The following PRELID2 variants were observed in gnomAD, a reference collection of about 807,000 sequenced individuals.
PRELID2 encodes PRELI domain containing 2.
Under a neutral mutation model 28.4 loss-of-function variants are expected in PRELID2, and 25 were observed. That is an observed-to-expected ratio of 0.88 (90% CI 0.64 to 1.23). The LOEUF (loss-of-function observed/expected upper bound fraction) is 1.23, where lower values mean the gene tolerates loss of function less well. Among genes scored for constraint, PRELID2 ranks in the 50% most tolerant of loss-of-function variants. PRELID2 has a pLI of 0.00. For synonymous variants in PRELID2, 76 were observed against 71.6 expected, an observed-to-expected ratio of 1.06 and a Z score of -0.31; for missense variants, 201 against 214.4, an observed-to-expected ratio of 0.94 and a Z score of 0.39.
chr5:145,286,725 T>G, the PRELID2 span, among the ~76,000 whole-genome samples: 34 of 73,626 alleles, frequency 4.6e-4, no homozygotes, highest in African/African-American at 9.6e-4. Flanking sequence ...TGTTTGTTTG[T>G]TTTTTTTTTT....
the PRELID2 span, among the ~76,000 whole-genome samples, chr5:145,341,953 T>G: frequency 6.6e-6 from 1 of 152,182 alleles, no homozygotes; most frequent in Non-Finnish European, 1.5e-5. Flanking sequence ...CTACAGCACA[T>G]TGTAGTCAGA....
chr5:145,731,352 G>A (rs1756340637), intron 1 of PRELID2, among the ~76,000 whole-genome samples: 1 of 152,172 alleles, frequency 6.6e-6, no homozygotes. Flanking sequence ...AATGCAGAGT[G>A]ACTAAGATGC....
At chr5:145,574,490 G>A (rs1413832450) in intron 1 of PRELID2, among the ~76,000 whole-genome samples, 1 of 152,204 alleles carries the variant, frequency 6.6e-6, no homozygotes, top group East Asian at 1.9e-4. Flanking sequence ...CCCACTCTGA[G>A]GTGATGGCAC....
At chr5:145,573,486 T>TC (rs1277367229) in intron 1 of PRELID2, among the ~76,000 whole-genome samples, 3 of 151,956 alleles carry the variant, frequency 2.0e-5, no homozygotes, top group Admixed American at 2.0e-4. Context: ...GTCCTAATGC[T>TC]CCCCCTCCCC....
At chr5:145,339,439 ACACAAG>A in the PRELID2 span, among the ~76,000 whole-genome samples, 1 of 152,172 alleles carries the variant, frequency 6.6e-6, no homozygotes, top group African/African-American at 2.4e-5. Flanking sequence ...CCCTTGACCC[ACACAAG>A]CCTCAAGACT....
At chr5:145,350,950 A>T in the PRELID2 span, among the ~76,000 whole-genome samples, 1 of 152,210 alleles carries the variant, frequency 6.6e-6, no homozygotes, top group Admixed American at 6.5e-5. Flanking sequence ...ATTCTGTGTA[A>T]TGATAGTAGC....
the PRELID2 span, among the ~76,000 whole-genome samples, chr5:145,405,784 C>A: frequency 2.0e-5 from 3 of 146,370 alleles, no homozygotes; most frequent in African/African-American, 7.6e-5. Context: ...CAGCTCACTG[C>A]AAGCTCCGCC....
chr5:145,359,290 T>C, the PRELID2 span, among the ~76,000 whole-genome samples: 5 of 152,134 alleles, frequency 3.3e-5, no homozygotes, highest in African/African-American at 1.2e-4. Context: ...TTTGCCAGAA[T>C]ACCTAGTGCT....
chr5:145,692,363 T>TACAC (rs57331963), intron 1 of PRELID2, among the ~76,000 whole-genome samples: 17,977 of 150,832 alleles, frequency 0.12, 1,582 homozygotes, highest in African/African-American at 0.23. Flanking sequence ...TACATGGAGG[T>TACAC]ACACACACAC....
chr5:145,793,560 C>T (rs536277550), intron 5 of PRELID2, among the ~76,000 whole-genome samples: 10 of 152,176 alleles, frequency 6.6e-5, no homozygotes, highest in Non-Finnish European at 1.2e-4. Context: ...GCTAATTAAA[C>T]GTGGCCTCTT....
intron 1 of PRELID2, among the ~76,000 whole-genome samples, chr5:145,735,930 T>C (rs566143697): frequency 6.6e-6 from 1 of 152,192 alleles, no homozygotes. Flanking sequence ...GCGCTCTCTC[T>C]GAAGTGAGTA....
At chr5:145,436,019 T>G in the PRELID2 span, among the ~76,000 whole-genome samples, 1 of 152,164 alleles carries the variant, frequency 6.6e-6, no homozygotes, top group African/African-American at 2.4e-5. Flanking sequence ...GGGTTTAGTG[T>G]ACAGATTTTG....
the PRELID2 span, among the ~76,000 whole-genome samples, chr5:145,418,182 G>A: frequency 6.6e-6 from 1 of 151,998 alleles, no homozygotes; most frequent in Non-Finnish European, 1.5e-5. Flanking sequence ...AGATAACAAG[G>A]AAAGTGAATG....
intron 1 of PRELID2, among the ~76,000 whole-genome samples, chr5:145,503,889 T>A (rs745916279): frequency 6.6e-6 from 1 of 152,156 alleles, no homozygotes; most frequent in African/African-American, 2.4e-5. Context: ...GGAAAGCTAT[T>A]TGATGCTTCT....
At chr5:145,376,623 G>A in the PRELID2 span, among the ~76,000 whole-genome samples, 3 of 152,048 alleles carry the variant, frequency 2.0e-5, no homozygotes, top group African/African-American at 7.2e-5. Flanking sequence ...AGTCTTAAGA[G>A]GCTGTATGAA....
the PRELID2 span, among the ~76,000 whole-genome samples, chr5:145,263,514 CA>C: frequency 1.3e-5 from 2 of 150,278 alleles, no homozygotes; most frequent in African/African-American, 2.4e-5. Flanking sequence ...TAAATTGAAA[CA>C]AAAAAATTAA....
At chr5:145,741,977 TA>T (rs1756811455) in intron 1 of PRELID2, among the ~76,000 whole-genome samples, 1 of 32,802 alleles carries the variant, frequency 3.0e-5, no homozygotes, top group Non-Finnish European at 7.0e-5. Context: ...TAAATTTATT[TA>T]ATTATAATAA....
At chr5:145,474,526 T>C (rs1271047295) in intron 1 of PRELID2, among the ~76,000 whole-genome samples, 2 of 152,178 alleles carry the variant, frequency 1.3e-5, no homozygotes, top group African/African-American at 4.8e-5. Context: ...TTAGCACTCA[T>C]ACCTTCAGAA....
the PRELID2 span, among the ~76,000 whole-genome samples, chr5:145,300,700 CTT>C: frequency 3.8e-3 from 482 of 128,346 alleles, 1 homozygote; most frequent in African/African-American, 0.012. Flanking sequence ...TTTTTATTTA[CTT>C]TTTTTTTTTT....
Sources: allele counts gnomAD v4.1 joint callset (sites outside exome capture counted in the v4.1 genomes callset), GRCh38; gene constraint gnomAD v4.1.1; transcripts MANE v1.5; gene names NCBI Gene and HGNC (gene_info 2026-07-23, HGNC 2026-07-21).